DCC: variants seen among roughly 807,000 people sequenced by gnomAD.
The protein encoded by DCC is DCC netrin 1 receptor.
A neutral mutation model predicts 172.5 loss-of-function variants in DCC; 58 were observed. The ratio of observed to expected loss-of-function variants is 0.34; its 90% CI spans 0.27 to 0.42. DCC has a LOEUF of 0.42. Ranked by LOEUF, DCC falls within the 10% of genes least tolerant of loss-of-function variation. The probability of loss-of-function intolerance (pLI) is 1.00; values close to 1 mark genes in which losing one functional copy is unlikely to be tolerated. For missense variants in DCC, 1,740 were observed against 1,791.0 expected (o/e 0.97, Z 0.51); for synonymous variants, 709 against 644.5 (o/e 1.10, Z -1.52).
In DCC at chr18:52,815,782, C is replaced by T. The variant is rs117408570; in HGVS notation, c.412+63408C>T. On this transcript the variant is annotated intron_variant, in intron 2 of 28. Coordinates refer to ENST00000442544, the MANE Select transcript of DCC (RefSeq NM_005215.4). ...GATTTATTAGATAACTATGATATAT[C>T]TCCAATGATATAGGACATGTTATAT... Among the ~76,000 whole-genome samples the T allele has an allele frequency of 9.1e-4, 139 of 152,216 alleles. 2 individuals carry two copies. The highest frequency in any genetic ancestry group is 1.6e-3 in the Non-Finnish European group (112 of 68,014).
At chr18:53,500,840 A>C (rs1477151875) in intron 27 of DCC, among the ~76,000 whole-genome samples, 15 of 151,972 alleles carry the variant, frequency 9.9e-5, no homozygotes, top group Admixed American at 9.8e-4. Flanking sequence ...AGCAAAGCCC[A>C]CATAGGGACT....
Position 52,925,297 on chromosome 18 carries a change from C to T in DCC, c.912C>T (p.Asp304=), listed in dbSNP as rs2040184241. ...TTATCTCCAATGTGACAGATGATGA[C>T]AGTGGAATGTATACCTGTGTTGTCA... The part of the protein sequence containing the change: ...NLLISNVTDD[D]SGMYTCVVTY... The change falls in exon 5 of 29, where the codon GAC becomes GAT. Residue 304 remains aspartate (D), a synonymous_variant. Transcript: ENST00000442544. 7 of 1,612,308 alleles carry T rather than the reference C, an allele frequency of 4.3e-6. No individual in the cohort carries two copies. Among genetic ancestry groups the T allele is most frequent in the Non-Finnish European group, 5.9e-6 (7 of 1,178,612 alleles).
At chr18:53,141,491 TA>T (rs1226969692) in intron 7 of DCC, among the ~76,000 whole-genome samples, 2 of 152,216 alleles carry the variant, frequency 1.3e-5, no homozygotes, top group Non-Finnish European at 2.9e-5. Context: ...GCCAGAATCC[TA>T]AATTGCCGTA....
chr18:53,356,165 C>T (rs1044603336), intron 15 of DCC, among the ~76,000 whole-genome samples: 3 of 152,074 alleles, frequency 2.0e-5, no homozygotes, highest in Non-Finnish European at 4.4e-5. Flanking sequence ...AGCAATTCTG[C>T]TGCCTTAGCT....
intron 5 of DCC, among the ~76,000 whole-genome samples, chr18:52,954,152 T>C (rs774290209): frequency 3.3e-5 from 5 of 152,190 alleles, no homozygotes; most frequent in Non-Finnish European, 5.9e-5. Flanking sequence ...ATTGCTGGCA[T>C]ACTCTCTTCA....
intron 5 of DCC, among the ~76,000 whole-genome samples, chr18:53,014,882 T>C (rs1401468897): frequency 6.6e-6 from 1 of 152,054 alleles, no homozygotes; most frequent in Non-Finnish European, 1.5e-5. Context: ...TGTGATGGAG[T>C]AATGTAGAGG....
At chr18:53,406,648 G>A (rs574517073) in intron 19 of DCC, among the ~76,000 whole-genome samples, 6 of 148,804 alleles carry the variant, frequency 4.0e-5, no homozygotes, top group East Asian at 3.9e-4. Flanking sequence ...GTGTTGCAGC[G>A]AGCCGAGATC....
At chr18:53,324,652 T>C (rs1454859794) in intron 14 of DCC, among the ~76,000 whole-genome samples, 5 of 152,120 alleles carry the variant, frequency 3.3e-5, no homozygotes, top group East Asian at 1.9e-4. Context: ...TAGAGCCTAA[T>C]TGGTGATTGA....
intron 1 of DCC, among the ~76,000 whole-genome samples, chr18:52,718,935 C>A (rs1420695932): frequency 1.3e-5 from 2 of 152,150 alleles, no homozygotes; most frequent in African/African-American, 4.8e-5. Context: ...GAAATGTATT[C>A]TCTCACAGCT....
chr18:53,024,024 G>C (rs1405697004), intron 5 of DCC, among the ~76,000 whole-genome samples: 1 of 152,164 alleles, frequency 6.6e-6, no homozygotes, highest in Non-Finnish European at 1.5e-5. Flanking sequence ...TTGCCTATTA[G>C]ATGGGTAGAA....
intron 14 of DCC, among the ~76,000 whole-genome samples, chr18:53,338,993 A>C (rs1488347542): frequency 6.6e-6 from 1 of 152,192 alleles, no homozygotes; most frequent in African/African-American, 2.4e-5. Context: ...TCCCGAGCTC[A>C]AGCTTTGAGT....
chr18:52,534,718 T>G (rs994211151), intron 1 of DCC, among the ~76,000 whole-genome samples: 3 of 152,180 alleles, frequency 2.0e-5, no homozygotes, highest in Admixed American at 2.0e-4. Context: ...GGATCCTAAT[T>G]AAAGCAATCC....
At chr18:52,497,496 A>G (rs2030847584) in intron 1 of DCC, among the ~76,000 whole-genome samples, 1 of 140,144 alleles carries the variant, frequency 7.1e-6, no homozygotes, top group African/African-American at 2.6e-5. Flanking sequence ...TATGAATGCT[A>G]GTTTTGCTTG....
chr18:52,648,354 T>G (rs552896591), intron 1 of DCC, among the ~76,000 whole-genome samples: 6 of 152,138 alleles, frequency 3.9e-5, no homozygotes, highest in Non-Finnish European at 8.8e-5. Context: ...TTGGCTAGAG[T>G]GCCCTTTTCC....
intron 12 of DCC, among the ~76,000 whole-genome samples, chr18:53,268,947 C>G (rs531631905): frequency 6.6e-6 from 1 of 151,794 alleles, no homozygotes; most frequent in Admixed American, 6.6e-5. Context: ...AGTGTAGTCT[C>G]CAGGTCATTT....
chr18:52,650,053 A>T (rs1005125373), intron 1 of DCC, among the ~76,000 whole-genome samples: 13 of 139,396 alleles, frequency 9.3e-5, no homozygotes, highest in Non-Finnish European at 1.6e-4. Context: ...ATCTCGGCTC[A>T]CCGCAACCTC....
chr18:53,387,729 C>T (rs1383277247), intron 16 of DCC, among the ~76,000 whole-genome samples: 1 of 152,160 alleles, frequency 6.6e-6, no homozygotes, highest in African/African-American at 2.4e-5. Context: ...CCTTTAGTGA[C>T]CATCTCTGTC....
At chr18:52,387,219 C>A (rs1190945871) in intron 1 of DCC, among the ~76,000 whole-genome samples, 1 of 152,106 alleles carries the variant, frequency 6.6e-6, no homozygotes, top group Non-Finnish European at 1.5e-5. Context: ...TGCTTTGCAG[C>A]AGGTATGGCT....
chr18:53,155,547 G>T (rs989141215), intron 7 of DCC, among the ~76,000 whole-genome samples: 24 of 152,188 alleles, frequency 1.6e-4, no homozygotes, highest in African/African-American at 5.8e-4. Context: ...AGAAAACCCT[G>T]TCTTACATAT....
Sources: allele counts gnomAD v4.1 joint callset (sites outside exome capture counted in the v4.1 genomes callset), GRCh38; gene constraint gnomAD v4.1.1; transcripts MANE v1.5; gene names NCBI Gene and HGNC (gene_info 2026-07-23, HGNC 2026-07-21).